Variants in SGIP1 observed in about 807,000 individuals in gnomAD.
SGIP1 encodes SH3GL interacting endocytic adaptor 1, also known as SH3-containing GRB2-like protein 3-interacting protein 1.
SGIP1 carries 38 observed loss-of-function variants against 107.5 expected under a neutral mutation model. That is an observed-to-expected ratio of 0.35 (90% CI 0.27 to 0.46). SGIP1 has a LOEUF of 0.46. Ranked by LOEUF, SGIP1 falls within the 20% of genes least tolerant of loss-of-function variation. SGIP1 has a pLI of 1.00. For missense variants in SGIP1, 929 were observed against 1,019.5 expected (o/e 0.91, Z 1.21); for synonymous variants, 365 against 366.1 (o/e 1.00, Z 0.03).
chr1:66,675,428 C>T (rs1262732532), intron 12 of SGIP1, among the ~76,000 whole-genome samples: 3 of 152,030 alleles, frequency 2.0e-5, no homozygotes, highest in Admixed American at 2.0e-4. Flanking sequence ...ACCGATCACA[C>T]TAGCTTTTTC....
At chr1:66,636,080 A>G in intron 4 of SGIP1, 65 bp downstream of exon 4, 7 of 1,482,588 alleles carry the variant, frequency 4.7e-6, no homozygotes, top group Non-Finnish European at 6.5e-6. Context: ...TAAAATCCCA[A>G]TTTAAAATTT....
At position 66,633,033 on chromosome 1, in the gene SGIP1, C is replaced by T. The variant is rs533176389; in HGVS notation, c.75-37C>T. ...TTTAGTCTATGTGGCAAGAATGATTCCTTATCATAATAGCTATCAATTTCT... is the reference window on the plus strand; with the variant it reads ...TTTAGTCTATGTGGCAAGAATGATTTCTTATCATAATAGCTATCAATTTCT... On this transcript the variant is annotated intron_variant, in intron 2 of 24. Coordinates refer to ENST00000371037, the MANE Select transcript of SGIP1 (RefSeq NM_032291.4). 2.6e-5 allele frequency: 36 copies of T among 1,366,244 alleles called. No individual in the cohort carries two copies. In the South Asian group the frequency reaches 4.1e-4, roughly 16 times the overall value. 84.6% of individuals were successfully genotyped at this position (1,366,244 alleles called of 1,614,324 possible).
At chr1:66,630,479 T>G (rs2074032581) in intron 2 of SGIP1, among the ~76,000 whole-genome samples, 1 of 152,104 alleles carries the variant, frequency 6.6e-6, no homozygotes, top group South Asian at 2.1e-4. Flanking sequence ...GTGGAGATAT[T>G]AAGTCCTAGT....
chr1:66,634,261 C>CT, intron 3 of SGIP1: 1 of 886,378 alleles, frequency 1.1e-6, no homozygotes, highest in Non-Finnish European at 1.8e-6. Flanking sequence ...GTTAGCTACT[C>CT]TGCTTTCTAT....
At chr1:66,688,763 T>A (rs1225800763) in intron 15 of SGIP1, among the ~76,000 whole-genome samples, 1 of 152,194 alleles carries the variant, frequency 6.6e-6, no homozygotes, top group African/African-American at 2.4e-5. Context: ...ATTTTCATCT[T>A]GGACATAAAT....
At chr1:66,637,046 A>G (rs1481626649) in intron 4 of SGIP1, among the ~76,000 whole-genome samples, 4 of 105,278 alleles carry the variant, frequency 3.8e-5, no homozygotes, top group Non-Finnish European at 7.3e-5. Context: ...TTTAAGAAAT[A>G]CAAAAAAAAA....
At chr1:66,739,063 G>A (rs1291890324) in intron 21 of SGIP1, among the ~76,000 whole-genome samples, 1 of 151,978 alleles carries the variant, frequency 6.6e-6, no homozygotes, top group Non-Finnish European at 1.5e-5. Context: ...CTAGCTTCCT[G>A]GCCTCAGCTC....
Position 66,638,783 on chromosome 1 carries a change from T to C in SGIP1, c.172-994T>C, listed in dbSNP as rs573050284. ...TCAAATTGGGTATTAGTTGTTTACATTGCAGTTCAAGTGGCCTTTATTTGT... is the reference window on the plus strand; with the variant it reads ...TCAAATTGGGTATTAGTTGTTTACACTGCAGTTCAAGTGGCCTTTATTTGT... On this transcript the variant is annotated intron_variant, in intron 4 of 24. Coordinates refer to ENST00000371037, the MANE Select transcript of SGIP1 (RefSeq NM_032291.4). Among the ~76,000 whole-genome samples the C allele has an allele frequency of 2.0e-3, 304 of 152,304 alleles. 4 individuals carry two copies. The highest frequency in any genetic ancestry group is 7.1e-3 in the African/African-American group (296 of 41,560).
At chr1:66,674,313 C>T (rs535346332) in intron 12 of SGIP1, among the ~76,000 whole-genome samples, 14 of 151,944 alleles carry the variant, frequency 9.2e-5, no homozygotes, top group African/African-American at 2.7e-4. Flanking sequence ...CTGTAAATAC[C>T]GTGTACTTTA....
chr1:66,694,392 T>C (rs1336952675), intron 17 of SGIP1: 2 of 1,524,286 alleles, frequency 1.3e-6, no homozygotes, highest in Admixed American at 1.8e-5. Context: ...TTGGGATTTG[T>C]ATTTGTGTTT....
At chr1:66,686,737 ATTAC>A (rs1252186454) in intron 15 of SGIP1, among the ~76,000 whole-genome samples, 4 of 152,212 alleles carry the variant, frequency 2.6e-5, no homozygotes, top group Admixed American at 1.3e-4. Flanking sequence ...CAAGAAATCA[ATTAC>A]TTCAAATCAG....
At chr1:66,695,746 T>C (rs2090778746) in intron 18 of SGIP1, among the ~76,000 whole-genome samples, 1 of 152,218 alleles carries the variant, frequency 6.6e-6, no homozygotes, top group Admixed American at 6.5e-5. Context: ...TTTAATTAAC[T>C]ATGGTCAATT....
intron 1 of SGIP1, among the ~76,000 whole-genome samples, chr1:66,558,430 C>T (rs528283280): frequency 6.6e-6 from 1 of 152,100 alleles, no homozygotes; most frequent in African/African-American, 2.4e-5. Flanking sequence ...AGCTAACCCA[C>T]AACGGCCCAT....
At chr1:66,640,658 G>A (rs745597152) in intron 5 of SGIP1, among the ~76,000 whole-genome samples, 4 of 152,056 alleles carry the variant, frequency 2.6e-5, no homozygotes, top group Non-Finnish European at 4.4e-5. Flanking sequence ...TAGAGAGAGG[G>A]GCAGGAGCCA....
intron 4 of SGIP1, among the ~76,000 whole-genome samples, chr1:66,637,455 T>TTG (rs879668501): frequency 0.023 from 903 of 38,460 alleles, 4 homozygotes; most frequent in Middle Eastern, 0.081. Flanking sequence ...GTGTGTGTGT[T>TTG]TGTGTGTGTG....
intron 19 of SGIP1, among the ~76,000 whole-genome samples, chr1:66,722,786 G>C (rs2093601132): frequency 3.3e-5 from 5 of 152,108 alleles, no homozygotes; most frequent in Admixed American, 3.3e-4. Context: ...TTTCATCCTG[G>C]TTCAGTTTCC....
intron 1 of SGIP1, among the ~76,000 whole-genome samples, chr1:66,552,347 A>G (rs913469672): frequency 3.3e-5 from 5 of 152,140 alleles, no homozygotes; most frequent in African/African-American, 9.6e-5. Flanking sequence ...TTCTGGGGCT[A>G]TGCTACCCTT....
At chr1:66,646,712 C>T (rs2077734356) in intron 7 of SGIP1, among the ~76,000 whole-genome samples, 2 of 152,170 alleles carry the variant, frequency 1.3e-5, no homozygotes, top group South Asian at 4.1e-4. Flanking sequence ...CTGAAATTTA[C>T]TTCTCAAGAC....
intron 1 of SGIP1, among the ~76,000 whole-genome samples, chr1:66,563,419 A>C (rs2059227482): frequency 1.3e-5 from 2 of 152,042 alleles, no homozygotes; most frequent in African/African-American, 2.4e-5. Flanking sequence ...TTTGGTCACC[A>C]AGACAAGAGA....
Sources: gnomAD v4.1 joint callset for allele counts (sites outside exome capture counted in the v4.1 genomes callset) on GRCh38, gnomAD v4.1.1 for gene constraint, MANE v1.5 for transcripts, NCBI Gene and HGNC (gene_info 2026-07-23, HGNC 2026-07-21) for gene names.